Variants in PKNOX2 observed in about 807,000 individuals in gnomAD.
PKNOX2 encodes homeobox protein PKNOX2.
A neutral mutation model predicts 53.1 loss-of-function variants in PKNOX2; 14 were observed. The observed-to-expected ratio is 0.26, with a 90% confidence interval of 0.17 to 0.41. The LOEUF is 0.41. PKNOX2 is among the 10% of genes least tolerant of loss of function. The pLI is 1.00. For synonymous variants in PKNOX2, 257 were observed against 242.8 expected (o/e 1.06, Z -0.54); for missense variants, 496 against 602.8 (o/e 0.82, Z 1.85).
At chr11:125,283,111 C>T (rs1946674281) in intron 2 of PKNOX2, among the ~76,000 whole-genome samples, 1 of 152,024 alleles carries the variant, frequency 6.6e-6, no homozygotes, top group South Asian at 2.1e-4. Context: ...GAAATCACAC[C>T]ACTGTACTCC....
intron 1 of PKNOX2, among the ~76,000 whole-genome samples, chr11:125,221,085 G>A (rs1223530098): frequency 6.6e-6 from 1 of 152,170 alleles, no homozygotes. Flanking sequence ...AACCTGGGAG[G>A]TGGAGGTTGC....
At chr11:125,176,389 C>T (rs1204769775) in intron 1 of PKNOX2, among the ~76,000 whole-genome samples, 1 of 152,218 alleles carries the variant, frequency 6.6e-6, no homozygotes, top group Admixed American at 6.5e-5. Context: ...GTGAACTAGA[C>T]AGATGGGTTC....
At chr11:125,235,915 C>T (rs566370404) in intron 2 of PKNOX2, among the ~76,000 whole-genome samples, 17 of 152,166 alleles carry the variant, frequency 1.1e-4, no homozygotes, top group Non-Finnish European at 2.4e-4. Context: ...TCAGCCTAGT[C>T]GCTCTTTAGT....
chr11:125,410,835 C>A lies in PKNOX2; in HGVS notation c.775C>A (p.Gln259Lys). ...AACCTCCCAGGGTCAGGTGGTCACCCAAGCAATCCCCCAGGGAGCCATCCA... is the reference window on the plus strand; with the variant it reads ...AACCTCCCAGGGTCAGGTGGTCACCAAAGCAATCCCCCAGGGAGCCATCCA... ...MVTSQGQVVT[Q>K]AIPQGAIQIQ... Residue 259 changes from glutamine (Q) to lysine (K), a missense_variant, in exon 9 of 13, where the codon CAA becomes AAA. Physicochemically the swap from Gln to Lys is moderately conservative, Grantham distance 53. This residue lies in a region of PKNOX2 where 141 missense variants were observed against 143.9 expected (regional missense o/e 0.98). Coordinates refer to ENST00000298282, the MANE Select transcript of PKNOX2 (RefSeq NM_001382323.2). 6.2e-7 allele frequency: 1 copy of A among 1,614,032 alleles called. No individual in the cohort carries two copies. Among genetic ancestry groups the A allele is most frequent in the Non-Finnish European group, 8.5e-7 (1 of 1,179,970 alleles).
chr11:125,428,889 T>A, intron 10 of PKNOX2, 123 bp from the exon 11 acceptor site: 1 of 961,750 alleles, frequency 1.0e-6, no homozygotes, highest in Non-Finnish European at 1.6e-6. Context: ...ACTTCCCCAA[T>A]TTTGGTTCCC....
chr11:125,312,270 C>A (rs1334419915), intron 2 of PKNOX2, among the ~76,000 whole-genome samples: 3 of 152,168 alleles, frequency 2.0e-5, no homozygotes, highest in Non-Finnish European at 2.9e-5. Context: ...GTAAAAAATT[C>A]TTTTGGATGA....
At chr11:125,402,036 C>T (rs889244315) in intron 7 of PKNOX2, among the ~76,000 whole-genome samples, 1 of 152,104 alleles carries the variant, frequency 6.6e-6, no homozygotes, top group Non-Finnish European at 1.5e-5. Flanking sequence ...AACTTGGTAT[C>T]CCCACTCCCA....
rs116143313 is a variant in PKNOX2 at position 125,193,086 on chromosome 11, C to T, written c.-201+28310C>T. Among the ~76,000 whole-genome samples, 1,050 of 152,296 alleles carry T rather than the reference C, an allele frequency of 6.9e-3. 16 individuals carry two copies. Among genetic ancestry groups the T allele is most frequent in the African/African-American group, 0.024 (991 of 41,538 alleles). Reference sequence around the variant, plus strand: ...ATTGAGTTTGAGGGACGACCTGTCTCGCTAGATAGATTACATTTGGTTTGC... The same window carrying T: ...ATTGAGTTTGAGGGACGACCTGTCTTGCTAGATAGATTACATTTGGTTTGC... On this transcript the variant is annotated intron_variant, in intron 1 of 12. Coordinates refer to ENST00000298282, the MANE Select transcript of PKNOX2 (RefSeq NM_001382323.2).
intron 2 of PKNOX2, among the ~76,000 whole-genome samples, chr11:125,243,292 T>C (rs1419014665): frequency 6.6e-6 from 1 of 152,190 alleles, no homozygotes; most frequent in Non-Finnish European, 1.5e-5. Context: ...TTTCAGGGCC[T>C]GGAGGCTCAG....
At chr11:125,292,083 C>T (rs1186733328) in intron 2 of PKNOX2, among the ~76,000 whole-genome samples, 1 of 152,052 alleles carries the variant, frequency 6.6e-6, no homozygotes, top group Admixed American at 6.6e-5. Flanking sequence ...GACATGTTAC[C>T]ACAATTTTTA....
intron 5 of PKNOX2, 67 bp downstream of exon 5, chr11:125,368,052 T>C: frequency 1.3e-6 from 2 of 1,550,536 alleles, no homozygotes; most frequent in Non-Finnish European, 8.7e-7. Flanking sequence ...CTGTGAGGGA[T>C]GAGAATGCAG....
At chr11:125,358,085 G>A (rs1192288090) in intron 4 of PKNOX2, among the ~76,000 whole-genome samples, 2 of 152,128 alleles carry the variant, frequency 1.3e-5, no homozygotes, top group African/African-American at 4.8e-5. Flanking sequence ...GGAACAAAAA[G>A]TACAGTGGTG....
At chr11:125,301,548 A>G (rs1339378960) in intron 2 of PKNOX2, among the ~76,000 whole-genome samples, 1 of 152,080 alleles carries the variant, frequency 6.6e-6, no homozygotes, top group African/African-American at 2.4e-5. Context: ...TCAGCTCCCC[A>G]GGACTCCTGC....
At chr11:125,431,033 C>A in intron 12 of PKNOX2, 133 bp from the exon 13 acceptor site, 1 of 1,433,160 alleles carries the variant, frequency 7.0e-7, no homozygotes, top group East Asian at 2.5e-5. Flanking sequence ...CATTGTCCAG[C>A]TCAGGCTTGG....
chr11:125,167,114 CTGTGGGG>C (rs960888071), intron 1 of PKNOX2, among the ~76,000 whole-genome samples: 1 of 139,484 alleles, frequency 7.2e-6, no homozygotes, highest in African/African-American at 2.7e-5. Flanking sequence ...TTGGGCCTAG[CTGTGGGG>C]TGTGGGGTGG....
At chr11:125,194,774 A>G (rs7927713) in intron 1 of PKNOX2, among the ~76,000 whole-genome samples, 57,284 of 152,042 alleles carry the variant, frequency 0.38, 11,128 homozygotes, top group East Asian at 0.46. Context: ...ATTTTTAGTG[A>G]TGGGAAAGAT....
chr11:125,281,230 C>T (rs924954319), intron 2 of PKNOX2, among the ~76,000 whole-genome samples: 1 of 152,204 alleles, frequency 6.6e-6, no homozygotes, highest in African/African-American at 2.4e-5. Context: ...AGAGATTGGA[C>T]TCCTGGAACG....
rs576797716 is a variant in PKNOX2 at position 125,430,699 on chromosome 11, G to C, written c.1193-467G>C. On this transcript the variant is annotated intron_variant, in intron 12 of 12. Coordinates refer to ENST00000298282, the MANE Select transcript of PKNOX2 (RefSeq NM_001382323.2). ...TGCACACATAACCTCATGCACACGTGTATGTGTATGGTTGTGCACAGGTTC... is the reference window on the plus strand; with the variant it reads ...TGCACACATAACCTCATGCACACGTCTATGTGTATGGTTGTGCACAGGTTC... Among the ~76,000 whole-genome samples, 25 of 152,072 alleles carry C rather than the reference G, an allele frequency of 1.6e-4. 1 individual carries two copies. Among genetic ancestry groups the C allele is most frequent in the African/African-American group, 5.5e-4 (23 of 41,504 alleles).
At chr11:125,310,035 G>T (rs1654905319) in intron 2 of PKNOX2, among the ~76,000 whole-genome samples, 1 of 152,136 alleles carries the variant, frequency 6.6e-6, no homozygotes, top group African/African-American at 2.4e-5. Context: ...TATCATGGAA[G>T]ACTTTGTCAT....
Sources: gnomAD v4.1 joint callset for allele counts (sites outside exome capture counted in the v4.1 genomes callset) on GRCh38, gnomAD v4.1.1 for gene constraint, gnomAD v4.1.1 regional missense constraint, MANE v1.5 for transcripts, NCBI Gene and HGNC (gene_info 2026-07-23, HGNC 2026-07-21) for gene names.